Variants in GOLGA5 observed in about 807,000 individuals in gnomAD.
The protein encoded by GOLGA5 is golgin subfamily A member 5.
A neutral mutation model predicts 93.5 loss-of-function variants in GOLGA5; 50 were observed. The ratio of observed to expected loss-of-function variants is 0.53; its 90% CI spans 0.43 to 0.68. The LOEUF (loss-of-function observed/expected upper bound fraction) is 0.68. Ranked by LOEUF, GOLGA5 falls within the 30% of genes least tolerant of loss-of-function variation. GOLGA5 has a pLI of 0.00. For missense variants in GOLGA5, 760 were observed against 856.4 expected, an observed-to-expected ratio of 0.89 and a Z score of 1.40; for synonymous variants, 312 against 304.5, an observed-to-expected ratio of 1.02 and a Z score of -0.26.
intron 6 of GOLGA5, among the ~76,000 whole-genome samples, chr14:92,813,933 A>C (rs1433714977): frequency 1.3e-5 from 2 of 151,982 alleles, no homozygotes; most frequent in Non-Finnish European, 2.9e-5. Flanking sequence ...ATTTAACTGG[A>C]AGGATGGGGG....
intron 2 of GOLGA5, among the ~76,000 whole-genome samples, chr14:92,806,420 CT>C (rs1420136285): frequency 1.3e-5 from 2 of 152,170 alleles, no homozygotes; most frequent in Admixed American, 1.3e-4. Flanking sequence ...TCAAGTGATT[CT>C]CCTGCCTCAG....
In GOLGA5 at chr14:92,837,424, C is replaced by T. The variant is rs1242157285; in HGVS notation, c.2090C>T (p.Ala697Val). The change falls in exon 12 of 13, where the codon GCG becomes GTG. Residue 697 changes from alanine to valine, a missense_variant. Ala to Val is a moderately conservative substitution (Grantham distance 64). Coordinates refer to ENST00000163416, the MANE Select transcript of GOLGA5 (RefSeq NM_005113.4). The part of the protein sequence containing the change: ...LGIFLRRYPI[A>V]RVFVIIYMAL... ...ATTTTTCTCCGAAGATACCCCATAG[C>T]GCGAGTTTTTGTAATTATATATATG... 8 of 1,530,244 alleles carry T rather than the reference C, an allele frequency of 5.2e-6. No homozygotes were observed. Among genetic ancestry groups the T allele is most frequent in the South Asian group, 2.2e-5 (2 of 88,914 alleles). The allele number at this position is 1,530,244 out of a possible 1,614,324, so 94.8% of individuals were successfully genotyped here. A position where few individuals can be genotyped will look rare whatever the true frequency, so the allele number is the denominator to read the frequency against.
At position 92,809,359 on chromosome 14, in the gene GOLGA5, C is replaced by T. The variant is rs1357134891; in HGVS notation, c.832C>T (p.Arg278Ter). 4 of 1,613,090 alleles carry T rather than the reference C, an allele frequency of 2.5e-6. No individual in the cohort carries two copies. Among genetic ancestry groups the T allele is most frequent in the Non-Finnish European group, 3.4e-6 (4 of 1,179,104 alleles). ...KWNADHSKSD[R>*]MTRGLRAQVD... is the part of the protein sequence containing the mutation. ...GAATGCTGACCATTCAAAGAGTGAT[C>T]GAATGACTCGAGGACTCCGAGCCCA... The change falls in exon 4 of 13, where the codon CGA (arginine) becomes TGA (stop). Residue 278 changes from arginine to a stop codon, truncating the protein, a stop_gained. Coordinates refer to ENST00000163416, the MANE Select transcript of GOLGA5 (RefSeq NM_005113.4). LOFTEE classifies it high-confidence loss of function.
chr14:92,820,622 A>G (rs149283338), intron 8 of GOLGA5, among the ~76,000 whole-genome samples: 486 of 152,306 alleles, frequency 3.2e-3, no homozygotes, highest in Middle Eastern at 0.014. Flanking sequence ...ATCTCAGGCT[A>G]TCACATGGGG....
chr14:92,805,292 G>A (rs1025792694), intron 2 of GOLGA5, among the ~76,000 whole-genome samples: 5 of 151,944 alleles, frequency 3.3e-5, no homozygotes, highest in South Asian at 2.1e-4. Flanking sequence ...TTCTTTTACT[G>A]AACTGTTAGT....
At position 92,806,764 on chromosome 14, in the gene GOLGA5, T is replaced by C. The variant is rs368103367; in HGVS notation, c.573T>C (p.His191=). The C allele has an allele frequency of 1.5e-4, 234 of 1,613,730 alleles. No individual in the cohort carries two copies. The highest frequency in any genetic ancestry group is 1.7e-4 in the Non-Finnish European group (202 of 1,179,640). Residue 191 remains histidine (H), a synonymous_variant, in exon 3 of 13, where the codon CAT becomes CAC. Coordinates refer to ENST00000163416, the MANE Select transcript of GOLGA5 (RefSeq NM_005113.4). The stretch of plus-strand genomic sequence containing the variant: ...CTGCCAGTAACTCAGATTCTAGCCA[T>C]GAAGGTCAAGAGGAATCTTCAAAGG... ...HEAASNSDSS[H]EGQEESSKEN... is the part of the protein sequence containing the mutation.
intron 2 of GOLGA5, among the ~76,000 whole-genome samples, chr14:92,798,768 T>C (rs1884795216): frequency 6.6e-6 from 1 of 152,038 alleles, no homozygotes; most frequent in Non-Finnish European, 1.5e-5. Context: ...ATACAAAAAT[T>C]AGCCAGGCAC....
At chr14:92,837,026 G>A (rs1415641573) in intron 11 of GOLGA5, among the ~76,000 whole-genome samples, 11 of 151,716 alleles carry the variant, frequency 7.3e-5, no homozygotes, top group African/African-American at 2.7e-4. Flanking sequence ...GGCAGAGATC[G>A]CGCCATTGCA....
intron 11 of GOLGA5, among the ~76,000 whole-genome samples, chr14:92,837,049 C>T (rs546147673): frequency 2.7e-5 from 4 of 149,926 alleles, no homozygotes; most frequent in African/African-American, 7.4e-5. Flanking sequence ...CCAGCCTGGG[C>T]GACAGGAGAG....
At chr14:92,805,934 G>A (rs1315953558) in intron 2 of GOLGA5, among the ~76,000 whole-genome samples, 1 of 147,122 alleles carries the variant, frequency 6.8e-6, no homozygotes, top group East Asian at 2.0e-4. Context: ...CTGAATTCAT[G>A]TGTCTCTATC....
chr14:92,826,543 A>G (rs1885425490), intron 9 of GOLGA5, among the ~76,000 whole-genome samples: 1 of 152,030 alleles, frequency 6.6e-6, no homozygotes, highest in Non-Finnish European at 1.5e-5. Flanking sequence ...TGAAAATACA[A>G]AAAAATTAGC....
chr14:92,822,685 G>A (rs967765163), intron 8 of GOLGA5, among the ~76,000 whole-genome samples: 2 of 152,066 alleles, frequency 1.3e-5, no homozygotes, highest in Non-Finnish European at 2.9e-5. Context: ...GAGACGGAGT[G>A]TCGCTCTGTT....
chr14:92,801,742 T>C (rs1329727670), intron 2 of GOLGA5, among the ~76,000 whole-genome samples: 4 of 151,468 alleles, frequency 2.6e-5, no homozygotes, highest in Non-Finnish European at 5.9e-5. Context: ...TTTCTTTTTT[T>C]TTTTTTTGCC....
chr14:92,809,597 C>G, intron 4 of GOLGA5, 78 bp downstream of exon 4: 1 of 855,126 alleles, frequency 1.2e-6, no homozygotes, highest in Non-Finnish European at 1.9e-6. Context: ...TGAAACTTAG[C>G]TTTCTTGGAA....
chr14:92,803,630 A>G (rs892629663), intron 2 of GOLGA5, among the ~76,000 whole-genome samples: 5 of 152,184 alleles, frequency 3.3e-5, no homozygotes, highest in Non-Finnish European at 7.4e-5. Context: ...GAATTTGTCA[A>G]TGTCATACAC....
In GOLGA5 at chr14:92,819,874, C is replaced by T. The variant is rs368493185; in HGVS notation, c.1620+38C>T. The T allele has an allele frequency of 2.1e-5, 34 of 1,604,846 alleles. No individual in the cohort carries two copies. The African/African-American group carries it at 3.6e-4, about 17-fold the overall frequency. On this transcript the variant is annotated intron_variant, in intron 8 of 12. Transcript: ENST00000163416. The stretch of plus-strand genomic sequence containing the variant: ...GATTGATGACTTCTGAGACTCTGTC[C>T]TCTAGCGGTCATATGAGCAGACCTC...
chr14:92,835,877 C>T (rs1233039232), intron 11 of GOLGA5, among the ~76,000 whole-genome samples: 1 of 151,966 alleles, frequency 6.6e-6, no homozygotes, highest in Non-Finnish European at 1.5e-5. Context: ...AATATCATGT[C>T]AGAAATTATG....
At chr14:92,821,407 GT>G (rs768737733) in intron 8 of GOLGA5, among the ~76,000 whole-genome samples, 50 of 152,034 alleles carry the variant, frequency 3.3e-4, no homozygotes, top group Admixed American at 7.9e-4. Flanking sequence ...TCATATAATA[GT>G]TTCAGTATTA....
intron 4 of GOLGA5, among the ~76,000 whole-genome samples, chr14:92,809,848 A>T (rs1002283365): frequency 9.9e-5 from 15 of 152,150 alleles, no homozygotes; most frequent in Admixed American, 6.5e-5. Context: ...AATCCCAGCT[A>T]CTCAGGAGGC....
Sources: allele counts gnomAD v4.1 joint callset (sites outside exome capture counted in the v4.1 genomes callset), GRCh38; gene constraint gnomAD v4.1.1; transcripts MANE v1.5; gene names NCBI Gene and HGNC (gene_info 2026-07-23, HGNC 2026-07-21).